The following ACBD3 variants were observed in gnomAD, a reference collection of about 807,000 sequenced individuals.
The protein encoded by ACBD3 is Golgi resident protein GCP60.
ACBD3 carries 30 observed loss-of-function variants against 66.9 expected under a neutral mutation model. The ratio of observed to expected loss-of-function variants is 0.45; its 90% CI spans 0.34 to 0.61. The LOEUF (loss-of-function observed/expected upper bound fraction) is 0.61. ACBD3 is among the 20% of genes least tolerant of loss of function. The pLI is 0.02. For missense variants in ACBD3, 544 were observed against 664.5 expected (o/e 0.82, Z 1.99); for synonymous variants, 278 against 259.8 (o/e 1.07, Z -0.68).
In ACBD3 at chr1:226,169,238, G is replaced by GTT. The variant is rs955466997; in HGVS notation, c.287-3240_287-3239dup. On this transcript the variant is annotated intron_variant, in intron 1 of 7. Transcript: ENST00000366812. ...TGATCTTAGCCTTGTGATTTAGAGA[G>GTT]TTTTTTTTTATTTTTATTTTTTTTC... Among the ~76,000 whole-genome samples the GTT allele has an allele frequency of 2.7e-5, 3 of 111,768 alleles. No homozygotes were observed. In the East Asian group the frequency reaches 7.0e-4, roughly 26 times the overall value. 73.3% of individuals were successfully genotyped at this position (111,768 alleles called of 152,430 possible).
chr1:226,161,788 C>T, intron 3 of ACBD3, 99 bp from the exon 4 acceptor site: 2 of 1,372,770 alleles, frequency 1.5e-6, no homozygotes, highest in Non-Finnish European at 1.9e-6. Flanking sequence ...TTTTAGAGAA[C>T]AATGTGGATA....
chr1:226,164,943 C>T lies in ACBD3; in HGVS notation c.429-14G>A, dbSNP rs372852681. ...GCCCATTCTCTCCTGTAAGGAATAACAAGAAAAGTTACCTCCCCTTCTTAG... is the reference window on the plus strand; with the variant it reads ...GCCCATTCTCTCCTGTAAGGAATAATAAGAAAAGTTACCTCCCCTTCTTAG... On this transcript the variant is annotated splice_polypyrimidine_tract_variant and intron_variant, in intron 2 of 7. Coordinates refer to ENST00000366812, the MANE Select transcript of ACBD3 (RefSeq NM_022735.4). 3.5e-5 allele frequency: 54 copies of T among 1,530,030 alleles called. No individual in the cohort carries two copies. The highest frequency in any genetic ancestry group is 4.4e-5 in the Non-Finnish European group (50 of 1,140,136). 94.8% of individuals were successfully genotyped at this position (1,530,030 alleles called of 1,614,324 possible).
chr1:226,165,168 T>C (rs890109176), intron 2 of ACBD3, among the ~76,000 whole-genome samples: 1 of 151,670 alleles, frequency 6.6e-6, no homozygotes, highest in African/African-American at 2.4e-5. Context: ...GTATCAATTT[T>C]TCTTTTTTCT....
At chr1:226,183,906 AC>A (rs1421947747) in intron 1 of ACBD3, among the ~76,000 whole-genome samples, 2 of 146,826 alleles carry the variant, frequency 1.4e-5, no homozygotes, top group South Asian at 2.2e-4. Flanking sequence ...AAAAAAAAAA[AC>A]CAGGCTGGGC....
At chr1:226,163,053 G>A (rs946184324) in intron 3 of ACBD3, among the ~76,000 whole-genome samples, 33 of 151,896 alleles carry the variant, frequency 2.2e-4, no homozygotes, top group African/African-American at 7.0e-4. Context: ...TGCCCGCCTC[G>A]TTCTCCCCAA....
intron 5 of ACBD3, among the ~76,000 whole-genome samples, chr1:226,158,536 GAACA>G (rs1183753533): frequency 1.5e-4 from 23 of 152,278 alleles, no homozygotes; most frequent in African/African-American, 5.1e-4. Context: ...AGAAAGAGCA[GAACA>G]ATCAGAGCAG....
At chr1:226,171,126 G>A (rs1659985664) in intron 1 of ACBD3, among the ~76,000 whole-genome samples, 2 of 148,464 alleles carry the variant, frequency 1.3e-5, no homozygotes, top group African/African-American at 5.0e-5. Context: ...TAGGCGCAGG[G>A]TCTTTGAGGG....
chr1:226,182,305 A>G (rs1402107471), intron 1 of ACBD3, among the ~76,000 whole-genome samples: 19 of 151,912 alleles, frequency 1.3e-4, no homozygotes, highest in Admixed American at 1.2e-3. Flanking sequence ...TAATTTACTG[A>G]CAAAAAGGCC....
rs553443148 is a variant in ACBD3, at chr1:226,166,567, C to T, written c.287-567G>A. Among the ~76,000 whole-genome samples the T allele has an allele frequency of 7.3e-5, 11 of 151,496 alleles. No individual in the cohort carries two copies. In the East Asian group the frequency reaches 2.1e-3, roughly 29 times the overall value. On this transcript the variant is annotated intron_variant, in intron 1 of 7. Coordinates refer to ENST00000366812, the MANE Select transcript of ACBD3 (RefSeq NM_022735.4). ...GTGGCACAATCACAGCTCACTGCAG[C>T]CTCAACCTGCTGAGCTTAAGTGATC...
intron 1 of ACBD3, among the ~76,000 whole-genome samples, chr1:226,177,478 G>A (rs1656068641): frequency 6.6e-6 from 1 of 151,564 alleles, no homozygotes; most frequent in South Asian, 2.1e-4. Flanking sequence ...TTACAGGTAT[G>A]AGCCACCGTG....
At chr1:226,165,350 T>C (rs2102782750) in intron 2 of ACBD3, among the ~76,000 whole-genome samples, 1 of 152,174 alleles carries the variant, frequency 6.6e-6, no homozygotes, top group Non-Finnish European at 1.5e-5. Flanking sequence ...TTTTAATTTT[T>C]AGTAGAGATG....
chr1:226,177,749 T>A (rs80333835), intron 1 of ACBD3, among the ~76,000 whole-genome samples: 1 of 135,744 alleles, frequency 7.4e-6, no homozygotes, highest in Non-Finnish European at 1.5e-5. Context: ...GAGCCACTAT[T>A]TTTTTTTTTT....
intron 5 of ACBD3, among the ~76,000 whole-genome samples, chr1:226,155,855 G>GTGACAAGT (rs1659661270): frequency 6.6e-6 from 1 of 152,212 alleles, no homozygotes; most frequent in Non-Finnish European, 1.5e-5. Context: ...TGTTTATATA[G>GTGACAAGT]TTATGATTGA....
At chr1:226,165,438 C>T (rs1182737652) in intron 2 of ACBD3, among the ~76,000 whole-genome samples, 5 of 152,074 alleles carry the variant, frequency 3.3e-5, no homozygotes, top group South Asian at 2.1e-4. Context: ...CCCAAAGTGC[C>T]GGGATTACAG....
At chr1:226,163,009 C>T (rs569034686) in intron 3 of ACBD3, among the ~76,000 whole-genome samples, 25 of 152,080 alleles carry the variant, frequency 1.6e-4, no homozygotes, top group African/African-American at 6.0e-4. Context: ...CCACGTTGCC[C>T]AGGCTGGTCC....
At chr1:226,166,038 A>C (rs770137831) in intron 1 of ACBD3, 38 bp from the exon 2 acceptor site, 2 of 1,582,962 alleles carry the variant, frequency 1.3e-6, no homozygotes, top group South Asian at 2.3e-5. Flanking sequence ...CAATTAGCAC[A>C]GGCAAAATAC....
chr1:226,170,608 C>A (rs1350207652), intron 1 of ACBD3, among the ~76,000 whole-genome samples: 3 of 151,988 alleles, frequency 2.0e-5, no homozygotes, highest in Non-Finnish European at 4.4e-5. Flanking sequence ...TTCGAACATA[C>A]ACACACACAA....
At chr1:226,160,029 A>G (rs922665740) in intron 4 of ACBD3, among the ~76,000 whole-genome samples, 1 of 152,196 alleles carries the variant, frequency 6.6e-6, no homozygotes, top group Non-Finnish European at 1.5e-5. Flanking sequence ...GGAAATACTG[A>G]AAATATCTTG....
At chr1:226,184,949 C>A in intron 1 of ACBD3, among the ~76,000 whole-genome samples, 1 of 137,664 alleles carries the variant, frequency 7.3e-6, no homozygotes. Flanking sequence ...AGCAGGACTC[C>A]AGCTCAAAAA....
Sources: gnomAD v4.1 joint callset for allele counts (sites outside exome capture counted in the v4.1 genomes callset) on GRCh38, gnomAD v4.1.1 for gene constraint, MANE v1.5 for transcripts, NCBI Gene and HGNC (gene_info 2026-07-23, HGNC 2026-07-21) for gene names.